Variants in PRKN observed in about 807,000 individuals in gnomAD.
The protein encoded by PRKN is parkin RBR E3 ubiquitin protein ligase.
A neutral mutation model predicts 59.5 loss-of-function variants in PRKN; 56 were observed. That is an observed-to-expected ratio of 0.94 (90% CI 0.76 to 1.18). The LOEUF (loss-of-function observed/expected upper bound fraction) is 1.18. PRKN is among the 50% of genes most tolerant of loss of function. PRKN has a pLI of 0.00. For synonymous variants in PRKN, 250 were observed against 222.1 expected, an observed-to-expected ratio of 1.13 and a Z score of -1.12; for missense variants, 657 against 596.4, an observed-to-expected ratio of 1.10 and a Z score of -1.06.
chr6:162,262,782 TAAAA>T lies in PRKN; in HGVS notation c.172-21_172-18del, dbSNP rs751742289. The stretch of plus-strand genomic sequence containing the variant: ...GTCACAATTCTGTTTGGGAGCAAGG[TAAAA>T]AAAAAAAAAAAAAAAAAGGAAATGT... On this transcript the variant is annotated intron_variant, in intron 2 of 11. Coordinates refer to ENST00000366898, the MANE Select transcript of PRKN (RefSeq NM_004562.3). 6.3e-3 allele frequency: 8,356 copies of T among 1,325,790 alleles called. No homozygotes were observed. The highest frequency in any genetic ancestry group is 9.5e-3 in the Admixed American group (317 of 33,392). 82.1% of individuals were successfully genotyped at this position (1,325,790 alleles called of 1,614,324 possible). A position where few individuals can be genotyped will look rare whatever the true frequency, so the allele number is the denominator to read the frequency against.
chr6:161,975,938 C>T (rs1446392176), intron 5 of PRKN, among the ~76,000 whole-genome samples: 1 of 152,114 alleles, frequency 6.6e-6, no homozygotes, highest in Non-Finnish European at 1.5e-5. Context: ...CAGAGTCTCA[C>T]TCTATCGCCT....
At position 161,525,155 on chromosome 6, in the gene PRKN, G is replaced by GTA. The variant is rs1258001724; in HGVS notation, c.1083+23698_1083+23699insTA. 2.0e-4 allele frequency among the ~76,000 whole-genome samples: 26 copies of GTA among 131,510 alleles called. No individual in the cohort carries two copies. Among genetic ancestry groups the GTA allele is most frequent in the African/African-American group, 7.0e-4 (25 of 35,886 alleles). 86.3% of individuals were successfully genotyped at this position (131,510 alleles called of 152,430 possible). On this transcript the variant is annotated intron_variant, in intron 9 of 11. Coordinates refer to ENST00000366898, the MANE Select transcript of PRKN (RefSeq NM_004562.3). The surrounding 1 kb of genome is among the most constrained non-coding windows in gnomAD (Gnocchi z 4.7). ...GGTGTGTGTGTGTGTGTGTGTGTAT[G>GTA]TGTGTGTGAGTAGGGTTCTGTGTGA... is the stretch of plus-strand genomic sequence containing the variant.
chr6:161,473,365 C>CAT lies in PRKN; in HGVS notation c.1083+75487_1083+75488dup, dbSNP rs201704779. On this transcript the variant is annotated intron_variant, in intron 9 of 11. Coordinates refer to ENST00000366898, the MANE Select transcript of PRKN (RefSeq NM_004562.3). This position sits in a 1 kb window ranked among gnomAD's most constrained non-coding sequence, Gnocchi z 4.1. ...ATATATCCATAAATTTATTTATATA[C>CAT]ATATATATATATAAAATGGAATATT... Among the ~76,000 whole-genome samples the CAT allele has an allele frequency of 5.4e-4, 80 of 149,260 alleles. No homozygotes were observed. The highest frequency in any genetic ancestry group is 1.6e-3 in the East Asian group (8 of 5,118).
At chr6:161,387,713 A>G (rs1378545468) in intron 9 of PRKN, among the ~76,000 whole-genome samples, 3 of 152,210 alleles carry the variant, frequency 2.0e-5, no homozygotes, top group African/African-American at 7.2e-5. Flanking sequence ...GGAAAAAGAA[A>G]TGGGTGGCTA....
At chr6:162,492,593 G>A (rs1371990029) in intron 1 of PRKN, among the ~76,000 whole-genome samples, 1 of 152,056 alleles carries the variant, frequency 6.6e-6, no homozygotes. Flanking sequence ...GAGGTCAGGA[G>A]GTCCAGACCA....
At chr6:161,706,384 G>C (rs1476768509) in intron 7 of PRKN, among the ~76,000 whole-genome samples, 2 of 152,136 alleles carry the variant, frequency 1.3e-5, no homozygotes, top group Non-Finnish European at 2.9e-5. Flanking sequence ...TGCCCACCAA[G>C]GTGCTCCCAT....
intron 1 of PRKN, among the ~76,000 whole-genome samples, chr6:162,630,122 C>G (rs1325235675): frequency 6.6e-6 from 1 of 152,096 alleles, no homozygotes; most frequent in Non-Finnish European, 1.5e-5. Context: ...TCGAATCAAA[C>G]AAGTTCTTAC....
At chr6:162,036,358 A>G (rs1225223970) in intron 5 of PRKN, among the ~76,000 whole-genome samples, 1 of 151,882 alleles carries the variant, frequency 6.6e-6, no homozygotes, top group African/African-American at 2.4e-5. Context: ...AAAGAAAACA[A>G]TAATTACATC....
intron 9 of PRKN, among the ~76,000 whole-genome samples, chr6:161,514,762 CAGG>C (rs1243818283): frequency 6.6e-6 from 1 of 152,100 alleles, no homozygotes; most frequent in Non-Finnish European, 1.5e-5. Flanking sequence ...CTGTGGGAAC[CAGG>C]AGACCAGAAG....
In PRKN at chr6:162,201,188, C is replaced by T. The variant is rs146547001; in HGVS notation, c.477G>A (p.Pro159=). ...YCKGPCQRVQ[P]GKLRVQCSTC... is the part of the protein sequence containing the mutation. Reference sequence around the variant, plus strand: ...TGCTGCACTGTACCCTGAGTTTTCCCGGCTGCACTCTTTGACAGGGGCCTT... The same window carrying T: ...TGCTGCACTGTACCCTGAGTTTTCCTGGCTGCACTCTTTGACAGGGGCCTT... Residue 159 remains proline, a synonymous_variant, in exon 4 of 12, where the codon CCG becomes CCA. Coordinates refer to ENST00000366898, the MANE Select transcript of PRKN (RefSeq NM_004562.3). 145 of 1,613,868 alleles carry T rather than the reference C, an allele frequency of 9.0e-5. No individual in the cohort carries two copies. The highest frequency in any genetic ancestry group is 2.5e-4 in the Admixed American group (15 of 59,992).
intron 4 of PRKN, among the ~76,000 whole-genome samples, chr6:162,142,988 T>C (rs190787423): frequency 6.6e-6 from 1 of 152,372 alleles, no homozygotes; most frequent in Non-Finnish European, 1.5e-5. Flanking sequence ...ATTTTGTGAC[T>C]GAATTGGTCA....
At chr6:162,277,608 A>G (rs1274610763) in intron 2 of PRKN, among the ~76,000 whole-genome samples, 1 of 152,220 alleles carries the variant, frequency 6.6e-6, no homozygotes, top group East Asian at 1.9e-4. Flanking sequence ...CAGTAAATAA[A>G]TAAACAAACA....
Position 161,607,196 on chromosome 6 carries a change from A to C in PRKN, c.872-37780T>G, listed in dbSNP as rs147670478. The stretch of plus-strand genomic sequence containing the variant: ...TTGGGTGCAGGTGTGCCCCTTCCTC[A>C]CATCCTGTTCACTGCTCTACTACAG... On this transcript the variant is annotated intron_variant, in intron 7 of 11. Coordinates refer to ENST00000366898, the MANE Select transcript of PRKN (RefSeq NM_004562.3). Among the ~76,000 whole-genome samples, 35 of 152,296 alleles carry C rather than the reference A, an allele frequency of 2.3e-4. No individual in the cohort carries two copies. In the East Asian group the frequency reaches 5.8e-3, roughly 25 times the overall value.
At chr6:162,574,055 C>T (rs1383765247) in intron 1 of PRKN, among the ~76,000 whole-genome samples, 3 of 152,190 alleles carry the variant, frequency 2.0e-5, no homozygotes, top group Non-Finnish European at 4.4e-5. Context: ...GCATCTTGTT[C>T]CAGTGGCTAT....
intron 4 of PRKN, among the ~76,000 whole-genome samples, chr6:162,137,799 G>A (rs556178896): frequency 2.6e-4 from 39 of 152,248 alleles, no homozygotes; most frequent in African/African-American, 8.9e-4. Context: ...ATGGCTTATC[G>A]CCTCTTAAAG....
At chr6:161,939,669 T>C (rs1182140660) in intron 6 of PRKN, among the ~76,000 whole-genome samples, 1 of 151,476 alleles carries the variant, frequency 6.6e-6, no homozygotes, top group Non-Finnish European at 1.5e-5. Context: ...GAGGCGGAGG[T>C]TGCAACGAGA....
rs138322647 is a variant in PRKN at position 162,046,459 on chromosome 6, T to A, written c.618+7632A>T. ...AGAACAGGGAAGCAAGAAGTATGTA[T>A]TTTGGAAGCTGCATATTGCTGGAAA... is the stretch of plus-strand genomic sequence containing the variant. On this transcript the variant is annotated intron_variant, in intron 5 of 11. Transcript: ENST00000366898. 1.2e-3 allele frequency among the ~76,000 whole-genome samples: 190 copies of A among 152,328 alleles called. 2 individuals carry two copies. Among genetic ancestry groups the A allele is most frequent in the Middle Eastern group, 6.8e-3 (2 of 294 alleles).
intron 4 of PRKN, among the ~76,000 whole-genome samples, chr6:162,124,129 T>C (rs892917173): frequency 8.5e-5 from 13 of 152,158 alleles, no homozygotes; most frequent in Non-Finnish European, 1.8e-4. Flanking sequence ...AGCCTCATCA[T>C]GCCATTTTGA....
At position 161,614,132 on chromosome 6, in the gene PRKN, C is replaced by T. The variant is rs187628072; in HGVS notation, c.872-44716G>A. Among the ~76,000 whole-genome samples, 487 of 152,274 alleles carry T rather than the reference C, an allele frequency of 3.2e-3. 3 individuals carry two copies. The highest frequency in any genetic ancestry group is 5.4e-3 in the Admixed American group (83 of 15,306). On this transcript the variant is annotated intron_variant, in intron 7 of 11. Transcript: ENST00000366898. ...TTCCCCTCCATCTCTATGCATGCCTCCACCTTTCTCTTCAGCCACATCTCT... is the reference window on the plus strand; with the variant it reads ...TTCCCCTCCATCTCTATGCATGCCTTCACCTTTCTCTTCAGCCACATCTCT...
Sources: allele counts gnomAD v4.1 joint callset (sites outside exome capture counted in the v4.1 genomes callset), GRCh38; gene constraint gnomAD v4.1.1; non-coding constraint Gnocchi (gnomAD v3.1); transcripts MANE v1.5; gene names NCBI Gene and HGNC (gene_info 2026-07-23, HGNC 2026-07-21).